The following SLC35E2B variants were observed in gnomAD, a reference collection of about 807,000 sequenced individuals.
The protein encoded by SLC35E2B is solute carrier family 35, member E2B.
A neutral mutation model predicts 32.4 loss-of-function variants in SLC35E2B; 18 were observed. The observed-to-expected ratio is 0.56, with a 90% CI of 0.38 to 0.82. The LOEUF (loss-of-function observed/expected upper bound fraction) is 0.82, where lower values mean the gene tolerates loss of function less well. SLC35E2B is among the 40% of genes least tolerant of loss of function. The probability of loss-of-function intolerance (pLI) is 0.00; values close to 1 mark genes in which losing one functional copy is unlikely to be tolerated. For missense variants in SLC35E2B, 263 were observed against 469.5 expected (o/e 0.56, Z 4.06); for synonymous variants, 132 against 209.1 (o/e 0.63, Z 3.18).
rs1570300651 is a variant in SLC35E2B at position 1,663,310 on chromosome 1, T to C, written c.*2472A>G. On this transcript the variant is annotated 3_prime_UTR_variant, in exon 10 of 10. Transcript: ENST00000617444. ...TGCTGTGCGGCTGGAAATTCCAAGGTGCTCAGAACCAGGCGCCTGCACCTC... is the reference window on the plus strand; with the variant it reads ...TGCTGTGCGGCTGGAAATTCCAAGGCGCTCAGAACCAGGCGCCTGCACCTC... 1.0e-6 allele frequency: 1 copy of C among 980,920 alleles called. No homozygotes were observed. The highest frequency in any genetic ancestry group is 1.2e-6 in the Non-Finnish European group (1 of 827,026). 60.8% of individuals were successfully genotyped at this position (980,920 alleles called of 1,614,324 possible).
chr1:1,688,983 A>G (rs1407241807), intron 2 of SLC35E2B, among the ~76,000 whole-genome samples: 4 of 151,976 alleles, frequency 2.6e-5, no homozygotes, highest in African/African-American at 9.7e-5. Flanking sequence ...CATCCTGGCT[A>G]ACACAGTGAA....
chr1:1,685,417 A>G (rs1159705621), intron 2 of SLC35E2B, among the ~76,000 whole-genome samples: 1 of 149,878 alleles, frequency 6.7e-6, no homozygotes, highest in Non-Finnish European at 1.5e-5. Flanking sequence ...TTTCTCAGAA[A>G]AAAAAAAAAA....
chr1:1,679,194 G>C (rs562444666), intron 2 of SLC35E2B, among the ~76,000 whole-genome samples: 2 of 152,312 alleles, frequency 1.3e-5, no homozygotes, highest in East Asian at 3.9e-4. Context: ...ACCCCTCCAG[G>C]AGCAAGGAAC....
chr1:1,682,571 G>A (rs1450283376), intron 2 of SLC35E2B, among the ~76,000 whole-genome samples: 11 of 152,060 alleles, frequency 7.2e-5, no homozygotes, highest in Middle Eastern at 3.2e-3. Context: ...TCAGCTGTGC[G>A]GGAAGCACCA....
At chr1:1,678,155 C>T (rs560182705) in intron 2 of SLC35E2B, among the ~76,000 whole-genome samples, 2 of 152,166 alleles carry the variant, frequency 1.3e-5, no homozygotes, top group African/African-American at 2.4e-5. Flanking sequence ...TCTCACTTCT[C>T]CCCCGGGAAA....
At chr1:1,668,958 C>A (rs1461660436) in intron 8 of SLC35E2B, among the ~76,000 whole-genome samples, 1 of 150,130 alleles carries the variant, frequency 6.7e-6, no homozygotes, top group Admixed American at 6.6e-5. Flanking sequence ...ACCACTGTAC[C>A]CCAGCCTGGG....
At position 1,662,671 on chromosome 1, in the gene SLC35E2B, A is replaced by C. The variant is rs1643435541; in HGVS notation, c.*3111T>G. 1 of 722,282 alleles carries C rather than the reference A, an allele frequency of 1.4e-6. No individual in the cohort carries two copies. Among genetic ancestry groups the C allele is most frequent in the Non-Finnish European group, 1.7e-6 (1 of 587,286 alleles). The allele number at this position is 722,282 out of a possible 1,614,324, so 44.7% of individuals were successfully genotyped here. ...TTATACAGGGAATTGGGACTCTCGG[A>C]TTTTCTTTTTTAACCTTTTTATGCC... is the stretch of plus-strand genomic sequence containing the variant. On this transcript the variant is annotated 3_prime_UTR_variant, in exon 10 of 10. Transcript: ENST00000617444.
intron 2 of SLC35E2B, among the ~76,000 whole-genome samples, chr1:1,690,185 C>G (rs1325906129): frequency 7.4e-5 from 11 of 148,012 alleles, no homozygotes; most frequent in Admixed American, 1.4e-4. Flanking sequence ...GAGGCTGAGG[C>G]AGGAGAATCA....
rs147179563 is a variant in SLC35E2B, at chr1:1,679,175, G to A, written c.-147-2329C>T. Among the ~76,000 whole-genome samples, 278 of 152,312 alleles carry A rather than the reference G, an allele frequency of 1.8e-3. 4 individuals carry two copies. The highest frequency in any genetic ancestry group is 6.3e-3 in the African/African-American group (263 of 41,560). Reference sequence around the variant, plus strand: ...TTCATTTACATGGCAAGGAGGCCACGCTCAAGAAACCCCTCCAGGAGCAAG... The same window carrying A: ...TTCATTTACATGGCAAGGAGGCCACACTCAAGAAACCCCTCCAGGAGCAAG... On this transcript the variant is annotated intron_variant, in intron 2 of 9. Transcript: ENST00000617444.
chr1:1,669,458 A>T (rs866694155), intron 8 of SLC35E2B, among the ~76,000 whole-genome samples: 15 of 152,288 alleles, frequency 9.8e-5, no homozygotes, highest in Middle Eastern at 3.4e-3. Flanking sequence ...AAACAAACAA[A>T]CAATAAACAA....
At chr1:1,685,349 G>C (rs2101116704) in intron 2 of SLC35E2B, among the ~76,000 whole-genome samples, 1 of 147,284 alleles carries the variant, frequency 6.8e-6, no homozygotes, top group South Asian at 2.2e-4. Context: ...GGGAGGATGA[G>C]CCTGCAGTGA....
Position 1,668,365 on chromosome 1 carries a change from C to T in SLC35E2B, c.942G>A (p.Ala314=), listed in dbSNP as rs34305545. Residue 314 remains alanine (A), a synonymous_variant, in exon 9 of 10, where the codon GCG becomes GCA. Coordinates refer to ENST00000617444, the MANE Select transcript of SLC35E2B (RefSeq NM_001290264.2). The part of the protein sequence containing the change: ...GVLFHLQSVT[A]YALMGKISPV... ...GGGAGATTTTCCCCATGAGGGCGTA[C>T]GCCGTGACGCTCTGAAGGTGGAACA... 0.011 allele frequency: 17,074 copies of T among 1,607,372 alleles called. 5 individuals carry two copies. The highest frequency in any genetic ancestry group is 0.013 in the Non-Finnish European group (15,226 of 1,175,580).
rs1164189449 is a variant in SLC35E2B, at chr1:1,669,767, G to A, written c.762-31C>T. 7.1e-6 allele frequency: 11 copies of A among 1,547,634 alleles called. 1 individual carries two copies. Among genetic ancestry groups the A allele is most frequent in the Middle Eastern group, 3.9e-4 (2 of 5,068 alleles). On this transcript the variant is annotated intron_variant, in intron 7 of 9. Coordinates refer to ENST00000617444, the MANE Select transcript of SLC35E2B (RefSeq NM_001290264.2). ...GGTGACAGAACACGCTGGGCCCCCCGTGTCGGGACAGGCCGAGTTCACACG... is the reference window on the plus strand; with the variant it reads ...GGTGACAGAACACGCTGGGCCCCCCATGTCGGGACAGGCCGAGTTCACACG...
At chr1:1,682,652 C>A (rs777638280) in intron 2 of SLC35E2B, among the ~76,000 whole-genome samples, 1 of 152,078 alleles carries the variant, frequency 6.6e-6, no homozygotes, top group Non-Finnish European at 1.5e-5. Flanking sequence ...ATCTCGGGGA[C>A]GGGCCCCAGG....
In SLC35E2B at chr1:1,664,291, G is replaced by C. The variant is rs1377278945; in HGVS notation, c.*1491C>G. On this transcript the variant is annotated 3_prime_UTR_variant, in exon 10 of 10. Coordinates refer to ENST00000617444, the MANE Select transcript of SLC35E2B (RefSeq NM_001290264.2). ...GTTAATGAGTCAGAATTATTGCTCT[G>C]TTTCTGAATGATTTTATCTTCAGGA... is the stretch of plus-strand genomic sequence containing the variant. 1 of 890,006 alleles carries C rather than the reference G, an allele frequency of 1.1e-6. No individual in the cohort carries two copies. Among genetic ancestry groups the C allele is most frequent in the East Asian group, 1.2e-4 (1 of 8,614 alleles). The allele number at this position is 890,006 out of a possible 1,614,324, so 55.1% of individuals were successfully genotyped here.
intron 1 of SLC35E2B, among the ~76,000 whole-genome samples, chr1:1,692,150 TTTGTTG>T (rs1248951884): frequency 4.3e-5 from 5 of 117,186 alleles, no homozygotes; most frequent in African/African-American, 1.9e-4. Context: ...TTTGTGTTTT[TTTGTTG>T]TTGTTGTTCT....
At chr1:1,679,438 G>A (rs1022123630) in intron 2 of SLC35E2B, among the ~76,000 whole-genome samples, 3 of 152,082 alleles carry the variant, frequency 2.0e-5, no homozygotes, top group Non-Finnish European at 2.9e-5. Context: ...CACACAAGCA[G>A]CCCAGTCCCC....
intron 2 of SLC35E2B, among the ~76,000 whole-genome samples, chr1:1,684,937 C>G (rs1190439207): frequency 6.7e-6 from 1 of 149,618 alleles, no homozygotes; most frequent in Non-Finnish European, 1.5e-5. Flanking sequence ...GAAACCCTGT[C>G]TCTACTAAAA....
intron 9 of SLC35E2B, among the ~76,000 whole-genome samples, chr1:1,666,260 A>G (rs1643543448): frequency 6.6e-6 from 1 of 152,210 alleles, no homozygotes; most frequent in Non-Finnish European, 1.5e-5. Flanking sequence ...GGGAGCTTTC[A>G]GCGGGGCTTG....
Sources: gnomAD v4.1 joint callset for allele counts (sites outside exome capture counted in the v4.1 genomes callset) on GRCh38, gnomAD v4.1.1 for gene constraint, MANE v1.5 for transcripts, NCBI Gene and HGNC (gene_info 2026-07-23, HGNC 2026-07-21) for gene names.